The following NR3C2 variants were observed in gnomAD, a reference collection of about 807,000 sequenced individuals.
The protein encoded by NR3C2 is nuclear receptor subfamily 3 group C member 2, also known as mineralocorticoid receptor.
Under a neutral mutation model 86.4 loss-of-function variants are expected in NR3C2, and 15 were observed. The ratio of observed to expected loss-of-function variants is 0.17; its 90% CI spans 0.12 to 0.27. The LOEUF is 0.27. Ranked by LOEUF, NR3C2 falls within the 10% of genes least tolerant of loss-of-function variation. The pLI, the probability that NR3C2 is intolerant of heterozygous loss-of-function variation, is 1.00. For synonymous variants in NR3C2, 458 were observed against 450.5 expected (o/e 1.02, Z -0.21); for missense variants, 960 against 1,195.6 (o/e 0.80, Z 2.91).
rs148492597 is a variant in NR3C2 at position 148,298,677 on chromosome 4, A to G, written c.1758-38560T>C. 1.6e-3 allele frequency among the ~76,000 whole-genome samples: 243 copies of G among 152,342 alleles called. 1 individual carries two copies. Among genetic ancestry groups the G allele is most frequent in the African/African-American group, 5.5e-3 (228 of 41,578 alleles). On this transcript the variant is annotated intron_variant, in intron 2 of 8. Transcript: ENST00000358102. ...TTCTGCAGAACTACTACTCCTTATT[A>G]GTCTCTTATCATCCACTGTTAATTA...
chr4:148,092,252 T>C (rs1424524210), intron 8 of NR3C2, among the ~76,000 whole-genome samples: 1 of 152,196 alleles, frequency 6.6e-6, no homozygotes, highest in African/African-American at 2.4e-5. Context: ...TTTTTTGTTT[T>C]TCTCATTTAC....
At chr4:148,092,172 C>T (rs1046689370) in intron 8 of NR3C2, among the ~76,000 whole-genome samples, 15 of 152,200 alleles carry the variant, frequency 9.9e-5, no homozygotes, top group Admixed American at 9.8e-4. Flanking sequence ...GCAGTCACCT[C>T]TTCCCCGCAG....
upstream of NR3C2, chr4:148,444,111 A>C (rs1011444057): frequency 6.0e-5 from 59 of 985,316 alleles, no homozygotes; most frequent in Non-Finnish European, 7.1e-5. Context: ...TCACGTCGGC[A>C]GAGCGCGGGC....
At chr4:148,184,182 A>G (rs1016500613) in intron 4 of NR3C2, among the ~76,000 whole-genome samples, 4 of 152,006 alleles carry the variant, frequency 2.6e-5, no homozygotes, top group South Asian at 4.1e-4. Flanking sequence ...TGGGTGCGGT[A>G]GCTCACGCCT....
intron 6 of NR3C2, among the ~76,000 whole-genome samples, chr4:148,143,599 T>C (rs533091492): frequency 1.3e-5 from 2 of 152,240 alleles, no homozygotes; most frequent in African/African-American, 4.8e-5. Context: ...CTTATTTCCT[T>C]CTCCCAAGAG....
chr4:148,181,756 T>C (rs1356439944), intron 4 of NR3C2, among the ~76,000 whole-genome samples: 1 of 152,206 alleles, frequency 6.6e-6, no homozygotes, highest in African/African-American at 2.4e-5. Context: ...ATTTATCTGT[T>C]GACATTCTCA....
chr4:148,092,314 T>G (rs986175202), intron 8 of NR3C2, among the ~76,000 whole-genome samples: 2 of 152,212 alleles, frequency 1.3e-5, no homozygotes, highest in African/African-American at 4.8e-5. Context: ...TAACCTGCTG[T>G]CCACATCTTT....
intron 2 of NR3C2, among the ~76,000 whole-genome samples, chr4:148,411,922 C>T (rs1355344630): frequency 6.6e-6 from 1 of 152,182 alleles, no homozygotes; most frequent in Non-Finnish European, 1.5e-5. Flanking sequence ...CAAGAAAATC[C>T]ACTTATAAAA....
chr4:148,295,018 G>A (rs867270057), intron 2 of NR3C2, among the ~76,000 whole-genome samples: 95 of 151,904 alleles, frequency 6.3e-4, no homozygotes, highest in African/African-American at 2.1e-3. Context: ...CTACTTTCTA[G>A]TACCATTAAT....
At chr4:148,105,592 A>T (rs4835480) in intron 8 of NR3C2, among the ~76,000 whole-genome samples, 1 of 152,056 alleles carries the variant, frequency 6.6e-6, no homozygotes. Context: ...AACTTCAGGC[A>T]AATATCCCTG....
intron 4 of NR3C2, among the ~76,000 whole-genome samples, chr4:148,162,349 A>G (rs1734698550): frequency 6.6e-6 from 1 of 151,972 alleles, no homozygotes; most frequent in Non-Finnish European, 1.5e-5. Context: ...TGGCATTTGT[A>G]TTTTCTGTAG....
At chr4:148,331,785 A>C (rs1199030779) in intron 2 of NR3C2, among the ~76,000 whole-genome samples, 2 of 152,222 alleles carry the variant, frequency 1.3e-5, no homozygotes, top group Non-Finnish European at 2.9e-5. Context: ...AATCTTACAG[A>C]GGACAAGTGA....
intron 2 of NR3C2, among the ~76,000 whole-genome samples, chr4:148,358,476 TG>T (rs1258105746): frequency 1.4e-4 from 3 of 20,728 alleles, no homozygotes; most frequent in African/African-American, 6.3e-4. Context: ...TGTGGTGGGG[TG>T]GGGGGAGGGG....
At chr4:148,090,514 A>C (rs1731012444) in intron 8 of NR3C2, among the ~76,000 whole-genome samples, 1 of 152,230 alleles carries the variant, frequency 6.6e-6, no homozygotes, top group South Asian at 2.1e-4. Context: ...GGAACAAGTA[A>C]GTCGACCCTT....
At chr4:148,341,256 A>G (rs1343853167) in intron 2 of NR3C2, among the ~76,000 whole-genome samples, 5 of 152,202 alleles carry the variant, frequency 3.3e-5, no homozygotes, top group Admixed American at 3.3e-4. Context: ...TGATACTAAC[A>G]GTGGAATATT....
intron 2 of NR3C2, among the ~76,000 whole-genome samples, chr4:148,385,720 C>G (rs900024206): frequency 6.6e-6 from 1 of 152,134 alleles, no homozygotes; most frequent in African/African-American, 2.4e-5. Flanking sequence ...AGGTCCTCCT[C>G]CTGCACCTCA....
At chr4:148,199,262 T>C (rs190896294) in intron 3 of NR3C2, among the ~76,000 whole-genome samples, 160 of 152,018 alleles carry the variant, frequency 1.1e-3, no homozygotes, top group Admixed American at 2.3e-3. Flanking sequence ...TCCGAACCCA[T>C]CTTTAAGTCT....
chr4:148,167,245 G>C (rs72945952), intron 4 of NR3C2, among the ~76,000 whole-genome samples: 3,276 of 152,278 alleles, frequency 0.022, 101 homozygotes, highest in African/African-American at 0.076. Flanking sequence ...TCTTGACTAG[G>C]ATTCAAGTCA....
chr4:148,343,188 C>T (rs1237105487), intron 2 of NR3C2, among the ~76,000 whole-genome samples: 2 of 152,182 alleles, frequency 1.3e-5, no homozygotes, highest in Non-Finnish European at 1.5e-5. Context: ...ATTATGCCAA[C>T]TCTATAGGAC....
Sources: gnomAD v4.1 joint callset for allele counts (sites outside exome capture counted in the v4.1 genomes callset) on GRCh38, gnomAD v4.1.1 for gene constraint, MANE v1.5 for transcripts, NCBI Gene and HGNC (gene_info 2026-07-23, HGNC 2026-07-21) for gene names.